Variants in MED15 observed in about 807,000 individuals in gnomAD.
MED15 encodes mediator of RNA polymerase II transcription subunit 15.
A neutral mutation model predicts 118.7 loss-of-function variants in MED15; 41 were observed. The observed-to-expected ratio is 0.35, with a 90% confidence interval of 0.27 to 0.45. The LOEUF is 0.45. Among genes scored for constraint, MED15 ranks in the 20% least tolerant of loss-of-function variants. The pLI is 1.00. For synonymous variants in MED15, 436 were observed against 413.9 expected (o/e 1.05, Z -0.65); for missense variants, 740 against 1,025.5 (o/e 0.72, Z 3.80).
intron 1 of MED15, among the ~76,000 whole-genome samples, chr22:20,515,032 C>G (rs1569166325): frequency 6.6e-6 from 1 of 152,220 alleles, no homozygotes. Context: ...CTGTCCCTCT[C>G]TTCACTTTCA....
rs2055788523 is a variant in MED15 at position 20,551,827 on chromosome 22, C to G, written c.208+340C>G. 4 of 330,304 alleles carry G rather than the reference C, an allele frequency of 1.2e-5. No homozygotes were observed. The East Asian group carries it at 2.9e-4, about 24-fold the overall frequency. 20.5% of individuals were successfully genotyped at this position (330,304 alleles called of 1,614,324 possible). ...TTCTGTTTACCCTGGAACAGAAACT[C>G]TCTTCCCTAAAAGTTGATTTTATTG... is the stretch of plus-strand genomic sequence containing the variant. On this transcript the variant is annotated intron_variant, in intron 3 of 17. Transcript: ENST00000263205.
chr22:20,553,224 G>A, intron 4 of MED15, 50 bp downstream of exon 4: 1 of 1,574,288 alleles, frequency 6.4e-7, no homozygotes, highest in Non-Finnish European at 8.7e-7. Context: ...TTGGATTTGA[G>A]GTGGCAAGAA....
At position 20,564,628 on chromosome 22, in the gene MED15, C is replaced by CCAGCAG. The variant is rs374794651; in HGVS notation, c.651_656dup (p.Gln217_Gln218dup). On this transcript the variant is annotated inframe_insertion, in exon 6 of 18. Coordinates refer to ENST00000263205, the MANE Select transcript of MED15 (RefSeq NM_001003891.3). Reference sequence around the variant, plus strand: ...CAGTAGTGCAGCAGCAGCAGCAGCTCCAGCAGCAGCAGCAGCAGCAGCAGC... The same window carrying CCAGCAG: ...CAGTAGTGCAGCAGCAGCAGCAGCTCCAGCAGCAGCAGCAGCAGCAGCAGCAGCAGC... 4.0e-5 allele frequency: 65 copies of CCAGCAG among 1,606,580 alleles called. No homozygotes were observed. Among genetic ancestry groups the CCAGCAG allele is most frequent in the Non-Finnish European group, 5.4e-5 (63 of 1,175,182 alleles).
intron 2 of MED15, among the ~76,000 whole-genome samples, chr22:20,541,988 C>T (rs1194325202): frequency 6.6e-6 from 1 of 152,048 alleles, no homozygotes; most frequent in East Asian, 1.9e-4. Flanking sequence ...GAGACAGGGT[C>T]TCATCATGTT....
At position 20,583,398 on chromosome 22, in the gene MED15, G is replaced by A. The variant is rs1291053605; in HGVS notation, c.1736+5G>A. 1 of 1,611,534 alleles carries A rather than the reference G, an allele frequency of 6.2e-7. No homozygotes were observed. Among genetic ancestry groups the A allele is most frequent in the Non-Finnish European group, 8.5e-7 (1 of 1,180,008 alleles). On this transcript the variant is annotated splice_donor_5th_base_variant and intron_variant, in intron 13 of 17. Coordinates refer to ENST00000263205, the MANE Select transcript of MED15 (RefSeq NM_001003891.3). ...TCTGACAGACCCCTCGAAGCGGTGA[G>A]CTTTGCCCACAGCCCACGGAGGGTC...
At chr22:20,536,952 T>C (rs956188202) in intron 1 of MED15, among the ~76,000 whole-genome samples, 165 bp from the exon 2 acceptor site, 1 of 152,180 alleles carries the variant, frequency 6.6e-6, no homozygotes, top group African/African-American at 2.4e-5. Context: ...TGCTCTCTGT[T>C]GAGTGCCCCT....
intron 1 of MED15, 41 bp from the exon 2 acceptor site, chr22:20,537,076 C>T: frequency 6.3e-7 from 1 of 1,585,934 alleles, no homozygotes; most frequent in Non-Finnish European, 8.6e-7. Context: ...GCGGTGGAGT[C>T]ACTGGTGTGT....
In MED15 at chr22:20,514,193, C is replaced by T. The variant is rs557711644; in HGVS notation, c.68+6447C>T. Among the ~76,000 whole-genome samples, 12 of 152,278 alleles carry T rather than the reference C, an allele frequency of 7.9e-5. No individual in the cohort carries two copies. The South Asian group carries it at 1.9e-3, about 24-fold the overall frequency. ...GTTGACTCTTTATTGAACATCTACT[C>T]TCCCTGCAGAAACTGCAGGATAAGC... On this transcript the variant is annotated intron_variant, in intron 1 of 17. Coordinates refer to ENST00000263205, the MANE Select transcript of MED15 (RefSeq NM_001003891.3).
intron 1 of MED15, among the ~76,000 whole-genome samples, chr22:20,511,571 G>A (rs1666467649): frequency 1.3e-5 from 2 of 151,852 alleles, no homozygotes; most frequent in South Asian, 4.2e-4. Flanking sequence ...TCTACCAAGA[G>A]CCTAGGGAAC....
In MED15 at chr22:20,552,600, G is replaced by A. The variant is rs768186359; in HGVS notation, c.209-545G>A. The A allele has an allele frequency of 2.8e-5, 12 of 427,568 alleles. No individual in the cohort carries two copies. In the East Asian group the frequency reaches 3.2e-4, roughly 11 times the overall value. The allele number at this position is 427,568 out of a possible 1,614,324, so 26.5% of individuals were successfully genotyped here. A position where few individuals can be genotyped will look rare whatever the true frequency, so the allele number is the denominator to read the frequency against. On this transcript the variant is annotated intron_variant, in intron 3 of 17. Coordinates refer to ENST00000263205, the MANE Select transcript of MED15 (RefSeq NM_001003891.3). The stretch of plus-strand genomic sequence containing the variant: ...GCTCATGAGGTCATGGGAAGCAGCC[G>A]AGCAGGAGGCTCAGGGCCCCATGAC...
intron 1 of MED15, among the ~76,000 whole-genome samples, chr22:20,530,552 C>T (rs1295839997): frequency 1.3e-5 from 2 of 150,904 alleles, no homozygotes; most frequent in Admixed American, 6.6e-5. Flanking sequence ...GCAGTTGGAC[C>T]AGGGAAGGGG....
chr22:20,523,250 A>G (rs1352048175), intron 1 of MED15, among the ~76,000 whole-genome samples: 1 of 151,982 alleles, frequency 6.6e-6, no homozygotes, highest in Admixed American at 6.6e-5. Context: ...CTCTCCCTGG[A>G]TGGAGTCTGG....
chr22:20,512,981 C>A (rs919096505), intron 1 of MED15, among the ~76,000 whole-genome samples: 4 of 151,916 alleles, frequency 2.6e-5, no homozygotes, highest in African/African-American at 9.7e-5. Flanking sequence ...ACCTCGTGAT[C>A]CACCCGCCTC....
chr22:20,518,366 A>G (rs1375329276), intron 1 of MED15, among the ~76,000 whole-genome samples: 1 of 151,970 alleles, frequency 6.6e-6, no homozygotes, highest in Admixed American at 6.5e-5. Flanking sequence ...CTGTCCTTCC[A>G]AGTTACCTTT....
At chr22:20,567,519 A>G (rs1179161067) in intron 7 of MED15, among the ~76,000 whole-genome samples, 1 of 152,202 alleles carries the variant, frequency 6.6e-6, no homozygotes, top group Non-Finnish European at 1.5e-5. Context: ...AAGAGGCCTC[A>G]TAGGCAGACT....
chr22:20,558,036 G>A (rs1416512166), intron 5 of MED15, among the ~76,000 whole-genome samples: 1 of 152,198 alleles, frequency 6.6e-6, no homozygotes, highest in Non-Finnish European at 1.5e-5. Flanking sequence ...AACCTGGGAG[G>A]CGGAGCTTGC....
rs372581371 is a variant in MED15 at position 20,555,031 on chromosome 22, G to A, written c.334G>A (p.Gly112Arg). Residue 112 changes from glycine to arginine, a missense_variant, in exon 5 of 18, where the codon GGG (glycine) becomes AGG (arginine). Around this residue, in one of 7 missense-constraint regions of MED15, gnomAD observed 117 missense variants for 124.6 expected, o/e 0.94. Coordinates refer to ENST00000263205, the MANE Select transcript of MED15 (RefSeq NM_001003891.3). ...PPRGPGQSLG[G>R]MGSLGAMGQP... Reference sequence around the variant, plus strand: ...TCGGGGCCCGGGACAGTCTCTGGGCGGGATGGGTAGCCTTGGTGCCATGGG... The same window carrying A: ...TCGGGGCCCGGGACAGTCTCTGGGCAGGATGGGTAGCCTTGGTGCCATGGG... 9.3e-6 allele frequency: 15 copies of A among 1,612,660 alleles called. No individual in the cohort carries two copies. Among genetic ancestry groups the A allele is most frequent in the South Asian group, 3.3e-5 (3 of 91,056 alleles).
chr22:20,585,297 G>T, intron 16 of MED15, 30 bp downstream of exon 16: 1 of 1,605,960 alleles, frequency 6.2e-7, no homozygotes. Context: ...GGACTGGTGT[G>T]GGAAAGCAGG....
intron 5 of MED15, among the ~76,000 whole-genome samples, chr22:20,556,646 TATGTGTAGGTCTGTGAGATTTTACC>T (rs1249801060): frequency 6.6e-6 from 1 of 152,144 alleles, no homozygotes; most frequent in Admixed American, 6.6e-5. Context: ...CATATATGGG[TATGTGTAGGTCTGTGAGATTTTACC>T]ACGTGTCAAA....
Sources: gnomAD v4.1 joint callset for allele counts (sites outside exome capture counted in the v4.1 genomes callset) on GRCh38, gnomAD v4.1.1 for gene constraint, gnomAD v4.1.1 regional missense constraint, MANE v1.5 for transcripts, NCBI Gene and HGNC (gene_info 2026-07-23, HGNC 2026-07-21) for gene names.